NBPF9: variants seen among roughly 807,000 people sequenced by gnomAD.
NBPF9 encodes NBPF family member NBPF9.
A neutral mutation model predicts 97.8 loss-of-function variants in NBPF9; 91 were observed. The observed-to-expected ratio is 0.93, with a 90% confidence interval of 0.79 to 1.11. The LOEUF (loss-of-function observed/expected upper bound fraction) is 1.11. NBPF9 is among the 50% of genes least tolerant of loss of function. NBPF9 has a pLI of 0.00. For missense variants in NBPF9, 992 were observed against 939.5 expected, an observed-to-expected ratio of 1.06 and a Z score of -0.73; for synonymous variants, 334 against 359.5, an observed-to-expected ratio of 0.93 and a Z score of 0.80.
intron 2 of NBPF9, among the ~76,000 whole-genome samples, chr1:149,101,717 G>A (rs1185951264): frequency 6.6e-6 from 1 of 151,808 alleles, no homozygotes; most frequent in Non-Finnish European, 1.5e-5. Context: ...TAACTGACAG[G>A]CATCAGCAAG....
chr1:149,052,336 A>G (rs1239024306), downstream of NBPF9, among the ~76,000 whole-genome samples: 1 of 151,968 alleles, frequency 6.6e-6, no homozygotes, highest in Middle Eastern at 3.2e-3. Context: ...GGAAATCACC[A>G]ATATGACAAA....
intron 19 of NBPF9, among the ~76,000 whole-genome samples, chr1:149,064,007 CACAG>C (rs1337669039): frequency 8.7e-6 from 1 of 114,506 alleles, no homozygotes; most frequent in African/African-American, 3.7e-5. Context: ...CACACACACA[CACAG>C]ACACAGACAC....
At chr1:149,082,957 CTTTTTTTTTT>C (rs1157992196) in intron 5 of NBPF9, among the ~76,000 whole-genome samples, 7 of 66,456 alleles carry the variant, frequency 1.1e-4, no homozygotes, top group East Asian at 1.2e-3. Flanking sequence ...TTTTTCTTTT[CTTTTTTTTTT>C]TTTTTTTTTT....
At chr1:149,068,561 C>T (rs1223786907) in intron 17 of NBPF9, among the ~76,000 whole-genome samples, 5 of 151,630 alleles carry the variant, frequency 3.3e-5, no homozygotes, top group Admixed American at 3.3e-4. Flanking sequence ...GGGATCAATT[C>T]AACAGGAAGA....
At chr1:149,099,344 T>C (rs1416250513) in intron 3 of NBPF9, among the ~76,000 whole-genome samples, 17 of 152,372 alleles carry the variant, frequency 1.1e-4, no homozygotes, top group African/African-American at 3.8e-4. Context: ...TGACATTTCC[T>C]TTTATGTCAG....
At chr1:149,079,524 G>C (rs1249895547) in intron 8 of NBPF9, among the ~76,000 whole-genome samples, 3 of 149,916 alleles carry the variant, frequency 2.0e-5, no homozygotes, top group African/African-American at 7.4e-5. Flanking sequence ...TCCTCACTCT[G>C]GCCATGGACA....
chr1:149,079,858 G>A (rs76603982), intron 8 of NBPF9, among the ~76,000 whole-genome samples, 195 bp downstream of exon 8: 1 of 152,216 alleles, frequency 6.6e-6, no homozygotes, highest in Non-Finnish European at 1.5e-5. Flanking sequence ...AGAAAACAAG[G>A]CTCTAAGAAA....
At chr1:149,063,937 T>C (rs1425801696) in intron 19 of NBPF9, 132 bp from the exon 20 acceptor site, 1 of 677,036 alleles carries the variant, frequency 1.5e-6, no homozygotes, top group Non-Finnish European at 2.7e-6. Context: ...AGGTAACAAA[T>C]TATTGCCTTT....
intron 5 of NBPF9, among the ~76,000 whole-genome samples, chr1:149,082,763 G>T (rs587665777): frequency 6.8e-6 from 1 of 146,656 alleles, no homozygotes; most frequent in East Asian, 2.0e-4. Context: ...GAATCATTTA[G>T]TATGTTCTCT....
At chr1:149,062,468 A>G (rs1459919966) in intron 21 of NBPF9, among the ~76,000 whole-genome samples, 1 of 144,326 alleles carries the variant, frequency 6.9e-6, no homozygotes, top group African/African-American at 2.6e-5. Flanking sequence ...GGAGAGGGAG[A>G]GAGAGAGAGA....
chr1:149,082,056 C>T, exon 7 of NBPF9: 1 of 1,610,864 alleles, frequency 6.2e-7, no homozygotes, highest in Non-Finnish European at 8.5e-7. Context: ...TGTTCTCTGC[C>T]AACTGGGGGC....
rs1180297292 is a variant in NBPF9, at chr1:149,060,970, C to T, written c.2304-275G>A. ...CGAGCTCAGTGAATTGTCCAGATGA[C>T]ACACTGATGAGGGAGTAACAGGACA... On this transcript the variant is annotated intron_variant, in intron 23 of 29. Coordinates refer to ENST00000584027, the Ensembl canonical transcript of NBPF9. 9.6e-6 allele frequency: 4 copies of T among 417,272 alleles called. 1 individual carries two copies. Among genetic ancestry groups the T allele is most frequent in the Non-Finnish European group, 1.7e-5 (4 of 231,928 alleles). The allele number at this position is 417,272 out of a possible 1,614,324, so 25.8% of individuals were successfully genotyped here. A position where few individuals can be genotyped will look rare whatever the true frequency, so the allele number is the denominator to read the frequency against.
intron 18 of NBPF9, 156 bp from the exon 19 acceptor site, chr1:149,064,638 C>A (rs1421612720): frequency 3.2e-6 from 2 of 621,664 alleles, no homozygotes; most frequent in Non-Finnish European, 5.7e-6. Flanking sequence ...GAGGTCAAGT[C>A]TTGAGAAAAC....
chr1:149,094,960 G>A (rs1433721985), intron 4 of NBPF9, among the ~76,000 whole-genome samples: 5 of 147,402 alleles, frequency 3.4e-5, no homozygotes, highest in East Asian at 4.0e-4. Flanking sequence ...ACCAGACTAA[G>A]GGGGAATCTC....
rs1276437485 is a variant in NBPF9, at chr1:149,063,103, TG to T, written c.2027-191del. On this transcript the variant is annotated intron_variant, in intron 20 of 29. Coordinates refer to ENST00000584027, the Ensembl canonical transcript of NBPF9. Reference sequence around the variant, plus strand: ...TCCTTGGTTTTTGTCCCAGAAACTGTGGGTAAAATTCCCTATTCTGGTAGAC... The same window carrying T: ...TCCTTGGTTTTTGTCCCAGAAACTGTGGTAAAATTCCCTATTCTGGTAGAC... Among the ~76,000 whole-genome samples the T allele has an allele frequency of 3.2e-3, 458 of 142,950 alleles. 2 individuals carry two copies. Among genetic ancestry groups the T allele is most frequent in the Non-Finnish European group, 5.5e-3 (365 of 66,322 alleles). The allele number at this position is 142,950 out of a possible 152,430, so 93.8% of individuals were successfully genotyped here. A position where few individuals can be genotyped will look rare whatever the true frequency, so the allele number is the denominator to read the frequency against.
chr1:149,097,327 A>C (rs1553662021), intron 4 of NBPF9, among the ~76,000 whole-genome samples: 1 of 152,170 alleles, frequency 6.6e-6, no homozygotes, highest in African/African-American at 2.4e-5. Flanking sequence ...AAAACTATAT[A>C]CTGTTTCCAT....
At chr1:149,089,316 G>A (rs2081254290) in intron 5 of NBPF9, among the ~76,000 whole-genome samples, 1 of 151,678 alleles carries the variant, frequency 6.6e-6, no homozygotes, top group Non-Finnish European at 1.5e-5. Flanking sequence ...ATAATGCTAT[G>A]GGACCCACTG....
chr1:149,098,809 G>A (rs2081955644), intron 3 of NBPF9, 103 bp from the exon 4 acceptor site: 1 of 130,024 alleles, frequency 7.7e-6, no homozygotes, highest in South Asian at 3.0e-4. Context: ...GACCCAGGGA[G>A]GAGCAGGTTG....
intron 8 of NBPF9, among the ~76,000 whole-genome samples, chr1:149,079,430 TCGATGATGTTCCA>T (rs1434269765): frequency 3.9e-5 from 6 of 151,948 alleles, no homozygotes; most frequent in African/African-American, 1.4e-4. Context: ...TGCAAGATCC[TCGATGATGTTCCA>T]TTCATCTTTC....
Sources: allele counts gnomAD v4.1 joint callset (sites outside exome capture counted in the v4.1 genomes callset), GRCh38; gene constraint gnomAD v4.1.1; transcripts MANE v1.5; gene names NCBI Gene and HGNC (gene_info 2026-07-23, HGNC 2026-07-21).